GABBR2: variants seen among roughly 807,000 people sequenced by gnomAD.
The protein encoded by GABBR2 is gamma-aminobutyric acid type B receptor subunit 2, also known as G-protein coupled receptor 51.
GABBR2 carries 23 observed loss-of-function variants against 105.6 expected under a neutral mutation model. The observed-to-expected ratio is 0.22, with a 90% CI of 0.16 to 0.31. GABBR2 has a LOEUF of 0.31. Ranked by LOEUF, GABBR2 falls within the 10% of genes least tolerant of loss-of-function variation. The pLI is 1.00. For missense variants in GABBR2, 734 were observed against 1,245.5 expected (o/e 0.59, Z 6.18); for synonymous variants, 478 against 499.7 (o/e 0.96, Z 0.58).
chr9:98,530,997 A>C (rs529397410), intron 3 of GABBR2, among the ~76,000 whole-genome samples: 28 of 152,170 alleles, frequency 1.8e-4, no homozygotes, highest in African/African-American at 6.5e-4. Context: ...GGCACCAGGA[A>C]GTGTCCCTGG....
intron 4 of GABBR2, 52 bp from the exon 5 acceptor site, chr9:98,481,049 A>G: frequency 9.1e-7 from 1 of 1,100,080 alleles, no homozygotes; most frequent in Non-Finnish European, 1.4e-6. Flanking sequence ...AGCACCCCAT[A>G]AAGGGTTCAA....
intron 5 of GABBR2, among the ~76,000 whole-genome samples, chr9:98,478,771 C>T (rs1826848564): frequency 6.6e-6 from 1 of 152,206 alleles, no homozygotes; most frequent in Non-Finnish European, 1.5e-5. Context: ...TAAATCAGAA[C>T]ATAAGGCCCA....
At chr9:98,627,244 G>A (rs1005716341) in intron 1 of GABBR2, among the ~76,000 whole-genome samples, 2 of 152,190 alleles carry the variant, frequency 1.3e-5, no homozygotes, top group African/African-American at 4.8e-5. Context: ...TAGTGAGACC[G>A]GAGGCCAAGC....
chr9:98,290,494 G>A lies in GABBR2; in HGVS notation c.*90C>T, dbSNP rs760044388. 5 of 972,722 alleles carry A rather than the reference G, an allele frequency of 5.1e-6. No individual in the cohort carries two copies. The highest frequency in any genetic ancestry group is 6.5e-5 in the East Asian group (2 of 30,576). 60.3% of individuals were successfully genotyped at this position (972,722 alleles called of 1,614,324 possible). ...GCCAGCCATGGTGCCCAGCTTCTCC[G>A]CAGCCAGAGCCGACAGTGTTTCTGC... is the stretch of plus-strand genomic sequence containing the variant. On this transcript the variant is annotated 3_prime_UTR_variant, in exon 19 of 19. Coordinates refer to ENST00000259455, the MANE Select transcript of GABBR2 (RefSeq NM_005458.8).
At chr9:98,295,040 A>G (rs1332676144) in intron 17 of GABBR2, among the ~76,000 whole-genome samples, 1 of 152,142 alleles carries the variant, frequency 6.6e-6, no homozygotes, top group East Asian at 1.9e-4. Flanking sequence ...GGGCAACCTT[A>G]TATGTATGTC....
At chr9:98,564,210 G>A (rs1455958428) in intron 2 of GABBR2, among the ~76,000 whole-genome samples, 1 of 152,184 alleles carries the variant, frequency 6.6e-6, no homozygotes, top group Non-Finnish European at 1.5e-5. Context: ...CAACACAGCT[G>A]GAGAGGGAGG....
chr9:98,596,794 C>T (rs1829241858), intron 1 of GABBR2, among the ~76,000 whole-genome samples: 1 of 152,140 alleles, frequency 6.6e-6, no homozygotes, highest in African/African-American at 2.4e-5. Flanking sequence ...TTTGGAGGGG[C>T]AGAGTCACAG....
chr9:98,535,803 C>T (rs985537784), intron 3 of GABBR2, among the ~76,000 whole-genome samples: 2 of 152,048 alleles, frequency 1.3e-5, no homozygotes, highest in African/African-American at 2.4e-5. Flanking sequence ...CGTATGATTC[C>T]AACTAAACGA....
chr9:98,639,033 C>G (rs1232110126), intron 1 of GABBR2, among the ~76,000 whole-genome samples: 4 of 152,208 alleles, frequency 2.6e-5, no homozygotes, highest in Non-Finnish European at 1.5e-5. Flanking sequence ...CCCAGTTCAT[C>G]TGCATCTCAT....
chr9:98,476,101 G>T (rs1826788059), intron 5 of GABBR2, among the ~76,000 whole-genome samples: 1 of 152,044 alleles, frequency 6.6e-6, no homozygotes. Flanking sequence ...TCAGAGTGAG[G>T]ATATGAAAAG....
At chr9:98,659,067 T>A (rs1830219613) in intron 1 of GABBR2, among the ~76,000 whole-genome samples, 1 of 152,218 alleles carries the variant, frequency 6.6e-6, no homozygotes. Context: ...CAAGAAAAAC[T>A]ATTATACGTC....
intron 16 of GABBR2, among the ~76,000 whole-genome samples, 165 bp downstream of exon 16, chr9:98,303,076 C>A (rs1830494536): frequency 6.6e-6 from 1 of 152,174 alleles, no homozygotes; most frequent in Admixed American, 6.5e-5. Context: ...ACAAATGCCT[C>A]TGTGTGGTTT....
In GABBR2 at chr9:98,449,576, G is replaced by T. The variant is rs538838066; in HGVS notation, c.1236+4405C>A. ...TCAGAAGTTATGGGGTGGGGCCAGG[G>T]AACCTGCATTTTAAATGAAGCGCCC... On this transcript the variant is annotated intron_variant, in intron 7 of 18. Transcript: ENST00000259455. Among the ~76,000 whole-genome samples the T allele has an allele frequency of 1.9e-4, 29 of 152,312 alleles. No individual in the cohort carries two copies. In the East Asian group the frequency reaches 5.2e-3, roughly 27 times the overall value.
At chr9:98,414,898 TGA>T (rs954697312) in intron 7 of GABBR2, among the ~76,000 whole-genome samples, 34 of 152,248 alleles carry the variant, frequency 2.2e-4, no homozygotes, top group African/African-American at 5.3e-4. Context: ...AGTGGGGACA[TGA>T]GACAGAGGAG....
rs56185925 is a variant in GABBR2, at chr9:98,563,068, CAAAAAAAAAA to C, written c.459+14857_459+14866del. ...CTGGGTGACAGAGCGAGACCCTGTC[CAAAAAAAAAA>C]AAAAAAAAAAAAAAAAAGAGCAGCA... On this transcript the variant is annotated intron_variant, in intron 2 of 18. Transcript: ENST00000259455. Among the ~76,000 whole-genome samples the C allele has an allele frequency of 8.4e-4, 53 of 63,026 alleles. 1 individual carries two copies. The South Asian group carries it at 0.013, about 16-fold the overall frequency. 41.3% of individuals were successfully genotyped at this position (63,026 alleles called of 152,430 possible).
chr9:98,380,085 C>T (rs138759226), intron 11 of GABBR2, among the ~76,000 whole-genome samples: 2 of 152,236 alleles, frequency 1.3e-5, no homozygotes, highest in Non-Finnish European at 2.9e-5. Context: ...AACTTCTTCC[C>T]TGCTGCCTAG....
At chr9:98,496,341 A>G in intron 4 of GABBR2, 72 bp downstream of exon 4, 2 of 940,448 alleles carry the variant, frequency 2.1e-6, no homozygotes, top group Non-Finnish European at 3.5e-6. Flanking sequence ...AGGCTCTTTC[A>G]TAGTCAGGTA....
chr9:98,657,079 G>A (rs1292008468), intron 1 of GABBR2, among the ~76,000 whole-genome samples: 1 of 152,204 alleles, frequency 6.6e-6, no homozygotes, highest in African/African-American at 2.4e-5. Flanking sequence ...AAACTCAGTA[G>A]ATCTGGTCAA....
At chr9:98,561,660 C>A (rs78851847) in intron 2 of GABBR2, among the ~76,000 whole-genome samples, 1 of 152,086 alleles carries the variant, frequency 6.6e-6, no homozygotes, top group Non-Finnish European at 1.5e-5. Flanking sequence ...AGGCAGGAGG[C>A]TCGATTGAGC....
Sources: gnomAD v4.1 joint callset for allele counts (sites outside exome capture counted in the v4.1 genomes callset) on GRCh38, gnomAD v4.1.1 for gene constraint, MANE v1.5 for transcripts, NCBI Gene and HGNC (gene_info 2026-07-23, HGNC 2026-07-21) for gene names.